KLK5: variants seen among roughly 807,000 people sequenced by gnomAD.
KLK5 encodes kallikrein-5.
KLK5 carries 18 observed loss-of-function variants against 24.0 expected under a neutral mutation model. The observed-to-expected ratio is 0.75, with a 90% CI of 0.52 to 1.11. The LOEUF is 1.11. Among genes scored for constraint, KLK5 ranks in the 50% most tolerant of loss-of-function variants. The probability of loss-of-function intolerance (pLI) is 0.00; values close to 1 mark genes in which losing one functional copy is unlikely to be tolerated. For synonymous variants in KLK5, 140 were observed against 154.0 expected (o/e 0.91, Z 0.67); for missense variants, 374 against 379.2 (o/e 0.99, Z 0.11).
intron 5 of KLK5, among the ~76,000 whole-genome samples, chr19:50,945,086 C>T: frequency 6.9e-6 from 1 of 145,846 alleles, no homozygotes. Context: ...TTTCTCTCTC[C>T]TTCCTCCCTT....
At chr19:50,945,791 A>AG (rs1203979677) in intron 5 of KLK5, among the ~76,000 whole-genome samples, 2 of 150,242 alleles carry the variant, frequency 1.3e-5, no homozygotes, top group East Asian at 1.9e-4. Flanking sequence ...ACTCCGTCTC[A>AG]AAAAAGAAAA....
chr19:50,952,922 T>G lies in KLK5; in HGVS notation c.-187A>C. Reference sequence around the variant, plus strand: ...CAGACACCTCTCCTTCCCTGCCTGCTGAGCCACCCTCACCAGGTCTCACTT... The same window carrying G: ...CAGACACCTCTCCTTCCCTGCCTGCGGAGCCACCCTCACCAGGTCTCACTT... On this transcript the variant is annotated 5_prime_UTR_variant, in exon 1 of 6. Transcript: ENST00000336334. 3.0e-6 allele frequency: 1 copy of G among 330,932 alleles called. No individual in the cohort carries two copies. The highest frequency in any genetic ancestry group is 4.9e-5 in the Admixed American group (1 of 20,566). 20.5% of individuals were successfully genotyped at this position (330,932 alleles called of 1,614,324 possible). A position where few individuals can be genotyped will look rare whatever the true frequency, so the allele number is the denominator to read the frequency against.
intron 3 of KLK5, 41 bp from the exon 4 acceptor site, chr19:50,949,156 A>G (rs1600074218): frequency 6.3e-7 from 1 of 1,591,312 alleles, no homozygotes; most frequent in East Asian, 2.2e-5. Context: ...CCTGATCTCT[A>G]TCTCCACGTC....
Position 50,944,170 on chromosome 19 carries a change from A to AT in KLK5, c.727-385dup, listed in dbSNP as rs533906572. ...AGGTGTCCATCACCACACCCGGCTA[A>AT]TTTTTTGTATTTTTTTTGTAGAGAC... On this transcript the variant is annotated intron_variant, in intron 5 of 5. Transcript: ENST00000336334. 1.7e-4 allele frequency among the ~76,000 whole-genome samples: 26 copies of AT among 151,996 alleles called. 1 individual carries two copies. In the South Asian group the frequency reaches 2.3e-3, roughly 13 times the overall value.
intron 5 of KLK5, among the ~76,000 whole-genome samples, chr19:50,944,833 C>T (rs1224052965): frequency 6.6e-6 from 1 of 152,148 alleles, no homozygotes. Flanking sequence ...AATCCATTCG[C>T]TTGGACTAAT....
chr19:50,949,665 C>T (rs1046027178), intron 3 of KLK5, among the ~76,000 whole-genome samples, 190 bp downstream of exon 3: 26 of 151,864 alleles, frequency 1.7e-4, no homozygotes, highest in Non-Finnish European at 3.5e-4. Flanking sequence ...TTAGTCCTAT[C>T]CCCAACTCGA....
chr19:50,949,759 CCA>C, intron 3 of KLK5, 94 bp downstream of exon 3: 1 of 848,808 alleles, frequency 1.2e-6, no homozygotes, highest in Non-Finnish European at 1.7e-6. Flanking sequence ...CCCGTCCCCA[CCA>C]GCCCTCACCT....
chr19:50,949,623 C>T (rs2090665830), intron 3 of KLK5, among the ~76,000 whole-genome samples: 2 of 151,970 alleles, frequency 1.3e-5, no homozygotes, highest in Admixed American at 6.6e-5. Flanking sequence ...CAACCTCATC[C>T]TCCCACCTTG....
At position 50,943,405 on chromosome 19, in the gene KLK5, G is replaced by A. The variant is rs1280017727; in HGVS notation, c.*226C>T. ...GAAAGTGCCCCAGGGAGATTGAGAC[G>A]CAACCCCCGCCCTGGACAGTTTTGG... On this transcript the variant is annotated 3_prime_UTR_variant, in exon 6 of 6. Coordinates refer to ENST00000336334, the MANE Select transcript of KLK5 (RefSeq NM_012427.5). 1.8e-5 allele frequency: 8 copies of A among 451,768 alleles called. No homozygotes were observed. The highest frequency in any genetic ancestry group is 6.9e-5 in the East Asian group (2 of 29,052). The allele number at this position is 451,768 out of a possible 1,614,324, so 28.0% of individuals were successfully genotyped here. A position where few individuals can be genotyped will look rare whatever the true frequency, so the allele number is the denominator to read the frequency against.
intron 5 of KLK5, among the ~76,000 whole-genome samples, chr19:50,945,207 C>A (rs2090621615): frequency 6.6e-6 from 1 of 151,636 alleles, no homozygotes; most frequent in Non-Finnish European, 1.5e-5. Context: ...CGTTTGGGCT[C>A]AAGCAATTCT....
chr19:50,948,591 C>T (rs372476328), intron 5 of KLK5, 49 bp downstream of exon 5: 42 of 1,595,300 alleles, frequency 2.6e-5, no homozygotes, highest in African/African-American at 2.4e-4. Context: ...TCCATGTTAC[C>T]GAGTTGGCAC....
At position 50,950,094 on chromosome 19, in the gene KLK5, A is replaced by G. The variant is rs1330485380; in HGVS notation, c.96T>C (p.Asp32=). ...TGTTAGAGGGGTGGTCACAGGAAACATCATTGTTGGCGAGAACATGCTCTG... is the reference window on the plus strand; with the variant it reads ...TGTTAGAGGGGTGGTCACAGGAAACGTCATTGTTGGCGAGAACATGCTCTG... The part of the protein sequence containing the change: ...GVTEHVLANN[D]VSCDHPSNTV... The change falls in exon 3 of 6, where the codon GAT becomes GAC. Residue 32 remains aspartate (D), a synonymous_variant. Coordinates refer to ENST00000336334, the MANE Select transcript of KLK5 (RefSeq NM_012427.5). 8 of 1,610,710 alleles carry G rather than the reference A, an allele frequency of 5.0e-6. No individual in the cohort carries two copies. Among genetic ancestry groups the G allele is most frequent in the Non-Finnish European group, 6.8e-6 (8 of 1,177,990 alleles).
chr19:50,943,930 T>A, intron 5 of KLK5, 144 bp from the exon 6 acceptor site: 1 of 573,038 alleles, frequency 1.7e-6, no homozygotes, highest in Non-Finnish European at 3.0e-6. Context: ...GATGAAGAAA[T>A]GCAGAAAAAG....
chr19:50,944,108 A>G (rs562482082), intron 5 of KLK5, among the ~76,000 whole-genome samples: 1 of 152,032 alleles, frequency 6.6e-6, no homozygotes, highest in African/African-American at 2.4e-5. Context: ...GGTTCAAGCA[A>G]TTCTCCTGCC....
intron 5 of KLK5, among the ~76,000 whole-genome samples, chr19:50,946,237 C>T (rs2123559590): frequency 6.6e-6 from 1 of 152,304 alleles, no homozygotes; most frequent in South Asian, 2.1e-4. Flanking sequence ...TAGTTAACTG[C>T]TCTGAGCCTT....
chr19:50,952,551 TC>T, intron 2 of KLK5, 33 bp downstream of exon 2: 1 of 1,532,890 alleles, frequency 6.5e-7, no homozygotes, highest in Non-Finnish European at 8.9e-7. Flanking sequence ...GTCCTCCCAA[TC>T]CCACAACCCT....
Position 50,951,722 on chromosome 19 carries a change from C to T in KLK5, c.73+863G>A, listed in dbSNP as rs1399288034. On this transcript the variant is annotated intron_variant, in intron 2 of 5. Transcript: ENST00000336334. Reference sequence around the variant, plus strand: ...CCACAGGTGCAGCTAACATACAGCTCTGTCTCCAGGTACACACGCTCCCGG... The same window carrying T: ...CCACAGGTGCAGCTAACATACAGCTTTGTCTCCAGGTACACACGCTCCCGG... 5.3e-5 allele frequency among the ~76,000 whole-genome samples: 8 copies of T among 152,210 alleles called. No individual in the cohort carries two copies. The East Asian group carries it at 1.5e-3, about 29-fold the overall frequency.
Position 50,947,848 on chromosome 19 carries a change from A to G in KLK5, c.726+792T>C, listed in dbSNP as rs1036620098. On this transcript the variant is annotated intron_variant, in intron 5 of 5. Transcript: ENST00000336334. This position sits in a 1 kb window ranked among gnomAD's most constrained non-coding sequence, Gnocchi z 8.7. Reference sequence around the variant, plus strand: ...CAGTGCACAACCTGCCCAACCATACAAAACAGCCCTGATCTTTCCCTCTAG... The same window carrying G: ...CAGTGCACAACCTGCCCAACCATACGAAACAGCCCTGATCTTTCCCTCTAG... 5.3e-5 allele frequency among the ~76,000 whole-genome samples: 8 copies of G among 152,184 alleles called. No individual in the cohort carries two copies. The highest frequency in any genetic ancestry group is 2.1e-4 in the South Asian group (1 of 4,830).
intron 3 of KLK5, 48 bp downstream of exon 3, chr19:50,949,793 TTCCCCACCCCCACC>T: frequency 1.1e-5 from 1 of 91,658 alleles, no homozygotes; most frequent in South Asian, 7.8e-5. Context: ...CCACCCCCAC[TTCCCCACCCCCACC>T]CCCACTTCCC....
Sources: gnomAD v4.1 joint callset for allele counts (sites outside exome capture counted in the v4.1 genomes callset) on GRCh38, gnomAD v4.1.1 for gene constraint, Gnocchi (gnomAD v3.1) non-coding constraint, MANE v1.5 for transcripts, NCBI Gene and HGNC (gene_info 2026-07-23, HGNC 2026-07-21) for gene names.